GPC6: variants seen among roughly 807,000 people sequenced by gnomAD.
GPC6 encodes the protein glypican-6.
In GPC6, 14 loss-of-function variants were observed where a neutral mutation model predicts 55.2. The observed-to-expected ratio is 0.25, with a 90% CI of 0.17 to 0.40. The LOEUF (loss-of-function observed/expected upper bound fraction) is 0.40, where lower values mean the gene tolerates loss of function less well. GPC6 is among the 10% of genes least tolerant of loss of function. The probability of loss-of-function intolerance (pLI) is 1.00; values close to 1 mark genes in which losing one functional copy is unlikely to be tolerated. For missense variants in GPC6, 641 were observed against 708.5 expected, an observed-to-expected ratio of 0.90 and a Z score of 1.08; for synonymous variants, 278 against 259.6, an observed-to-expected ratio of 1.07 and a Z score of -0.68.
intron 4 of GPC6, among the ~76,000 whole-genome samples, chr13:94,126,528 C>A (rs886788573): frequency 6.6e-6 from 1 of 152,070 alleles, no homozygotes; most frequent in African/African-American, 2.4e-5. Context: ...AGTTGAACTG[C>A]CAATTTGTTT....
At chr13:94,393,790 A>G (rs1456868824) in intron 7 of GPC6, among the ~76,000 whole-genome samples, 1 of 152,192 alleles carries the variant, frequency 6.6e-6, no homozygotes. Context: ...CTTGAGAGTC[A>G]TGTGACCTAC....
At chr13:93,750,974 G>A (rs1316766) in intron 2 of GPC6, among the ~76,000 whole-genome samples, 5,518 of 152,164 alleles carry the variant, frequency 0.036, 310 homozygotes, top group East Asian at 0.28. Context: ...CTCCTCTGGA[G>A]ACAAAACCAG....
At chr13:94,319,478 A>G (rs1228134352) in intron 6 of GPC6, among the ~76,000 whole-genome samples, 1 of 152,208 alleles carries the variant, frequency 6.6e-6, no homozygotes, top group Non-Finnish European at 1.5e-5. Context: ...TTTATACTGG[A>G]ACTTTTAATA....
chr13:93,561,404 G>GAGATAGATATATATATATATATATATAT (rs968221822), intron 2 of GPC6, among the ~76,000 whole-genome samples: 1 of 104,666 alleles, frequency 9.6e-6, no homozygotes, highest in African/African-American at 4.2e-5. Flanking sequence ...TATCCCTATC[G>GAGATAGATATATATATATATATATATAT]ATATATATAT....
intron 4 of GPC6, among the ~76,000 whole-genome samples, chr13:94,262,453 A>G (rs934536149): frequency 6.6e-6 from 1 of 152,048 alleles, no homozygotes; most frequent in Non-Finnish European, 1.5e-5. Context: ...TAAGTGAATC[A>G]CCTGAGGCCA....
chr13:93,732,934 T>C (rs1229099954), intron 2 of GPC6, among the ~76,000 whole-genome samples: 1 of 152,178 alleles, frequency 6.6e-6, no homozygotes, highest in Non-Finnish European at 1.5e-5. Flanking sequence ...GTTTTTTTTC[T>C]GTACCAGTCT....
In GPC6 at chr13:93,556,735, C is replaced by T. The variant is rs556122749; in HGVS notation, c.319+11314C>T. On this transcript the variant is annotated intron_variant, in intron 2 of 8. Transcript: ENST00000377047. ...TCCCCTTCCCAACCTCTGGTAACCA[C>T]CCTTCTACTGTGTCCATGAGTTCAA... Among the ~76,000 whole-genome samples, 52 of 152,124 alleles carry T rather than the reference C, an allele frequency of 3.4e-4. 1 individual carries two copies. Among genetic ancestry groups the T allele is most frequent in the African/African-American group, 1.1e-3 (47 of 41,506 alleles).
intron 6 of GPC6, among the ~76,000 whole-genome samples, chr13:94,382,054 G>T (rs1594226654): frequency 1.3e-5 from 2 of 152,200 alleles, no homozygotes; most frequent in Non-Finnish European, 2.9e-5. Context: ...TGACATGCAA[G>T]CAAATGAATT....
At chr13:94,382,297 A>C (rs542193377) in intron 6 of GPC6, 117 bp from the exon 7 acceptor site, 2 of 1,083,942 alleles carry the variant, frequency 1.8e-6, no homozygotes, top group East Asian at 2.4e-5. Flanking sequence ...AAAACTGTTA[A>C]AGAGTTCCTG....
intron 3 of GPC6, among the ~76,000 whole-genome samples, chr13:93,909,377 A>G (rs1440642372): frequency 1.3e-5 from 2 of 152,210 alleles, no homozygotes; most frequent in Non-Finnish European, 2.9e-5. Context: ...TAAGTGAAGA[A>G]AATAAGAAAA....
At chr13:93,913,398 C>T (rs1877112760) in intron 3 of GPC6, among the ~76,000 whole-genome samples, 1 of 152,172 alleles carries the variant, frequency 6.6e-6, no homozygotes, top group Non-Finnish European at 1.5e-5. Flanking sequence ...TTGGTGGTCA[C>T]TTCTATGCAA....
chr13:93,954,540 C>T (rs1345526662), intron 3 of GPC6, among the ~76,000 whole-genome samples: 1 of 152,146 alleles, frequency 6.6e-6, no homozygotes, highest in South Asian at 2.1e-4. Context: ...TTTTTATATT[C>T]CCAAGTTTTA....
At chr13:93,812,359 C>A (rs1325182134) in intron 2 of GPC6, among the ~76,000 whole-genome samples, 1 of 151,220 alleles carries the variant, frequency 6.6e-6, no homozygotes, top group Non-Finnish European at 1.5e-5. Flanking sequence ...GCACTCCAGC[C>A]TGGGTGACAG....
At chr13:93,651,911 A>G (rs1272767294) in intron 2 of GPC6, among the ~76,000 whole-genome samples, 1 of 152,200 alleles carries the variant, frequency 6.6e-6, no homozygotes, top group Non-Finnish European at 1.5e-5. Context: ...TAGGGCCTGT[A>G]CATCGGTATC....
chr13:93,764,301 T>C (rs1186270256), intron 2 of GPC6, among the ~76,000 whole-genome samples: 2 of 144,478 alleles, frequency 1.4e-5, no homozygotes, highest in Non-Finnish European at 2.9e-5. Flanking sequence ...AATAGCATTT[T>C]TAGGAAGTGA....
chr13:93,872,618 C>T (rs949614531), intron 3 of GPC6, among the ~76,000 whole-genome samples: 11 of 151,928 alleles, frequency 7.2e-5, no homozygotes, highest in African/African-American at 2.7e-4. Context: ...CTTTTTCTCC[C>T]ATCTTTGCCT....
intron 2 of GPC6, among the ~76,000 whole-genome samples, chr13:93,667,023 GA>G (rs1475561454): frequency 6.6e-6 from 1 of 151,676 alleles, no homozygotes; most frequent in African/African-American, 2.4e-5. Context: ...TGCTGTATTT[GA>G]AAAAAAGAAA....
At chr13:94,110,960 A>G (rs778657237) in intron 4 of GPC6, among the ~76,000 whole-genome samples, 2 of 152,140 alleles carry the variant, frequency 1.3e-5, no homozygotes, top group Non-Finnish European at 2.9e-5. Context: ...GAGCAGTTGT[A>G]CAAATATAAG....
At chr13:93,259,222 T>C (rs1407980183) in intron 1 of GPC6, among the ~76,000 whole-genome samples, 1 of 152,196 alleles carries the variant, frequency 6.6e-6, no homozygotes, top group East Asian at 1.9e-4. Flanking sequence ...CCATGCCTGA[T>C]ATTCTGTTGA....
Sources: allele counts gnomAD v4.1 joint callset (sites outside exome capture counted in the v4.1 genomes callset), GRCh38; gene constraint gnomAD v4.1.1; transcripts MANE v1.5; gene names NCBI Gene and HGNC (gene_info 2026-07-23, HGNC 2026-07-21).